The following RIPK2 variants were observed in gnomAD, a reference collection of about 807,000 sequenced individuals.
The protein encoded by RIPK2 is receptor interacting serine/threonine kinase 2, also known as receptor-interacting serine/threonine-protein kinase 2.
A neutral mutation model predicts 60.9 loss-of-function variants in RIPK2; 38 were observed. The ratio of observed to expected loss-of-function variants is 0.62; its 90% CI spans 0.48 to 0.82. The LOEUF is 0.82. Ranked by LOEUF, RIPK2 falls within the 40% of genes least tolerant of loss-of-function variation. The pLI is 0.00. For missense variants in RIPK2, 518 were observed against 647.0 expected, an observed-to-expected ratio of 0.80 and a Z score of 2.16; for synonymous variants, 225 against 223.4, an observed-to-expected ratio of 1.01 and a Z score of -0.06.
In RIPK2 at chr8:89,790,420, A is replaced by G. The variant is rs1282077555; in HGVS notation, c.*4A>G. 1.3e-6 allele frequency: 2 copies of G among 1,547,152 alleles called. No individual in the cohort carries two copies. Among genetic ancestry groups the G allele is most frequent in the African/African-American group, 2.8e-5 (2 of 72,286 alleles). On this transcript the variant is annotated 3_prime_UTR_variant, in exon 11 of 11. Transcript: ENST00000220751. ...ACTTCAAAATAAAAGCATGTAAGTGACTGTTTTTCAAGAAGAAATGTGTTT... is the reference window on the plus strand; with the variant it reads ...ACTTCAAAATAAAAGCATGTAAGTGGCTGTTTTTCAAGAAGAAATGTGTTT...
intron 4 of RIPK2, among the ~76,000 whole-genome samples, 169 bp downstream of exon 4, chr8:89,770,098 T>A (rs1329109208): frequency 6.6e-6 from 1 of 151,904 alleles, no homozygotes; most frequent in African/African-American, 2.4e-5. Flanking sequence ...ATTAAGGAAA[T>A]TTAATGATTT....
intron 8 of RIPK2, 65 bp from the exon 9 acceptor site, chr8:89,786,528 C>A: frequency 1.1e-6 from 1 of 932,976 alleles, no homozygotes; most frequent in Non-Finnish European, 1.7e-6. Context: ...CAAACAAGAA[C>A]TATTTAGAAA....
At chr8:89,772,916 A>G in intron 6 of RIPK2, 88 bp downstream of exon 6, 3 of 827,540 alleles carry the variant, frequency 3.6e-6, no homozygotes, top group Non-Finnish European at 5.2e-6. Context: ...AATTGTGCAA[A>G]TTAGATGACT....
intron 6 of RIPK2, among the ~76,000 whole-genome samples, chr8:89,778,715 G>A (rs1809443719): frequency 1.3e-5 from 2 of 152,154 alleles, no homozygotes; most frequent in South Asian, 4.1e-4. Flanking sequence ...CCATTGGCCA[G>A]TTGATGAACA....
chr8:89,790,260 A>G lies in RIPK2; in HGVS notation c.1467A>G (p.Gln489=). ...TKPTRTSKVR[Q]LLDTTDIQGE... is the part of the protein sequence containing the mutation. ...CTACAAGGACCTCAAAAGTCAGACA[A>G]TTACTAGACACTACTGACATCCAAG... The change falls in exon 11 of 11, where the codon CAA becomes CAG. Residue 489 remains glutamine (Q), a synonymous_variant. Coordinates refer to ENST00000220751, the MANE Select transcript of RIPK2 (RefSeq NM_003821.6). 3 of 1,614,152 alleles carry G rather than the reference A, an allele frequency of 1.9e-6. No individual in the cohort carries two copies. Among genetic ancestry groups the G allele is most frequent in the Non-Finnish European group, 2.5e-6 (3 of 1,180,010 alleles).
chr8:89,761,746 A>G (rs1329510301), intron 1 of RIPK2, among the ~76,000 whole-genome samples: 3 of 151,488 alleles, frequency 2.0e-5, no homozygotes, highest in African/African-American at 7.3e-5. Flanking sequence ...TGTATTCTGT[A>G]TGTTAAAAAA....
chr8:89,776,295 A>G lies in RIPK2; in HGVS notation c.853+3467A>G, dbSNP rs143825167. ...TCTTCCTGTTGGAAACATGAAGAAA[A>G]GGACTTAAGTGTCTCCTCCAACAGT... On this transcript the variant is annotated intron_variant, in intron 6 of 10. Coordinates refer to ENST00000220751, the MANE Select transcript of RIPK2 (RefSeq NM_003821.6). Among the ~76,000 whole-genome samples the G allele has an allele frequency of 9.2e-3, 1,401 of 152,304 alleles. 14 individuals are homozygous for G. Among genetic ancestry groups the G allele is most frequent in the East Asian group, 0.027 (142 of 5,190 alleles).
At chr8:89,786,461 G>T in intron 8 of RIPK2, 132 bp from the exon 9 acceptor site, 1 of 611,024 alleles carries the variant, frequency 1.6e-6, no homozygotes, top group South Asian at 2.1e-5. Context: ...GCAACAGAGT[G>T]AGACCCTGTC....
At chr8:89,789,611 A>G in intron 10 of RIPK2, 129 bp downstream of exon 10, 4 of 828,168 alleles carry the variant, frequency 4.8e-6, no homozygotes, top group Non-Finnish European at 7.3e-6. Context: ...CTTCTTAAGT[A>G]GGAAAACAAA....
At position 89,780,124 on chromosome 8, in the gene RIPK2, T is replaced by C; in HGVS notation, c.903T>C (p.Thr301=). The part of the protein sequence containing the change: ...EPVLRTFEEI[T]FLEAVIQLKK... Reference sequence around the variant, plus strand: ...TTTTGAGAACATTTGAAGAGATAACTTTTCTTGAAGCTGTTATTCAGCTAA... The same window carrying C: ...TTTTGAGAACATTTGAAGAGATAACCTTTCTTGAAGCTGTTATTCAGCTAA... The change falls in exon 7 of 11, where the codon ACT becomes ACC. Residue 301 remains threonine (T), a synonymous_variant. Coordinates refer to ENST00000220751, the MANE Select transcript of RIPK2 (RefSeq NM_003821.6). 1 of 1,575,270 alleles carries C rather than the reference T, an allele frequency of 6.3e-7. No individual in the cohort carries two copies. Among genetic ancestry groups the C allele is most frequent in the Non-Finnish European group, 8.7e-7 (1 of 1,154,072 alleles).
chr8:89,771,372 A>G (rs900084075), intron 4 of RIPK2, among the ~76,000 whole-genome samples: 6 of 67,452 alleles, frequency 8.9e-5, no homozygotes, highest in African/African-American at 2.2e-4. Flanking sequence ...TGAGAGCAGA[A>G]AAAAGGCAGT....
chr8:89,779,177 C>G (rs1383321947), intron 6 of RIPK2, among the ~76,000 whole-genome samples: 1 of 151,976 alleles, frequency 6.6e-6, no homozygotes, highest in East Asian at 1.9e-4. Flanking sequence ...ATTGTAGATA[C>G]AAACCCTTTA....
rs145357137 is a variant in RIPK2, at chr8:89,767,182, G to A, written c.483+1686G>A. 2.3e-3 allele frequency among the ~76,000 whole-genome samples: 342 copies of A among 151,632 alleles called. 4 individuals are homozygous for A. The highest frequency in any genetic ancestry group is 6.4e-4 in the Non-Finnish European group (43 of 67,674). ...GAATTCATTTTTTAATAAGATGCAGGACTTAAGTGCTGAAGACACTGGCTA... is the reference window on the plus strand; with the variant it reads ...GAATTCATTTTTTAATAAGATGCAGAACTTAAGTGCTGAAGACACTGGCTA... On this transcript the variant is annotated intron_variant, in intron 3 of 10. Coordinates refer to ENST00000220751, the MANE Select transcript of RIPK2 (RefSeq NM_003821.6).
chr8:89,778,384 C>T (rs982479978), intron 6 of RIPK2, among the ~76,000 whole-genome samples: 1 of 152,078 alleles, frequency 6.6e-6, no homozygotes, highest in Non-Finnish European at 1.5e-5. Context: ...AATAATTTTA[C>T]AGTTTGCAAC....
chr8:89,772,254 C>A (rs956145030), intron 5 of RIPK2, among the ~76,000 whole-genome samples: 10 of 151,908 alleles, frequency 6.6e-5, no homozygotes, highest in Non-Finnish European at 1.0e-4. Context: ...TTGTTTATTT[C>A]TTTATTTTGA....
At chr8:89,785,538 A>G (rs1157570336) in intron 8 of RIPK2, among the ~76,000 whole-genome samples, 1 of 152,218 alleles carries the variant, frequency 6.6e-6, no homozygotes, top group Non-Finnish European at 1.5e-5. Context: ...TGAAACATAA[A>G]TGAATTTTAT....
intron 3 of RIPK2, among the ~76,000 whole-genome samples, chr8:89,767,226 A>G (rs1439143576): frequency 6.6e-6 from 1 of 151,816 alleles, no homozygotes; most frequent in Non-Finnish European, 1.5e-5. Context: ...TCACAGCTAT[A>G]CTATATCTAA....
At chr8:89,769,244 C>T (rs1809276155) in intron 3 of RIPK2, among the ~76,000 whole-genome samples, 1 of 151,800 alleles carries the variant, frequency 6.6e-6, no homozygotes, top group Non-Finnish European at 1.5e-5. Flanking sequence ...TAGTGATCAG[C>T]ATAAAATTGT....
intron 1 of RIPK2, chr8:89,759,279 T>TTA (rs1311682783): frequency 2.2e-6 from 1 of 456,158 alleles, no homozygotes; most frequent in Non-Finnish European, 4.4e-6. Flanking sequence ...TGACTGTGTA[T>TTA]TAGTCAATGG....
Sources: gnomAD v4.1 joint callset for allele counts (sites outside exome capture counted in the v4.1 genomes callset) on GRCh38, gnomAD v4.1.1 for gene constraint, MANE v1.5 for transcripts, NCBI Gene and HGNC (gene_info 2026-07-23, HGNC 2026-07-21) for gene names.